The following PRIM2 variants were observed in gnomAD, a reference collection of about 807,000 sequenced individuals.
PRIM2 encodes DNA primase large subunit.
A neutral mutation model predicts 67.3 loss-of-function variants in PRIM2; 39 were observed. The observed-to-expected ratio is 0.58, with a 90% CI of 0.45 to 0.76. The LOEUF (loss-of-function observed/expected upper bound fraction) is 0.76. Ranked by LOEUF, PRIM2 falls within the 30% of genes least tolerant of loss-of-function variation. The pLI, the probability that PRIM2 is intolerant of heterozygous loss-of-function variation, is 0.00. For synonymous variants in PRIM2, 143 were observed against 198.7 expected (o/e 0.72, Z 2.36); for missense variants, 398 against 598.7 (o/e 0.66, Z 3.50).
At chr6:57,483,855 A>C (rs1403181946) in intron 7 of PRIM2, among the ~76,000 whole-genome samples, 1 of 152,232 alleles carries the variant, frequency 6.6e-6, no homozygotes, top group African/African-American at 2.4e-5. Context: ...TTTTCTTTGA[A>C]ATGTAAGGTT....
chr6:57,320,512 C>G lies in PRIM2; in HGVS notation c.210C>G (p.Tyr70Ter), dbSNP rs748143399. The G allele has an allele frequency of 1.2e-6, 2 of 1,609,568 alleles. No individual in the cohort carries two copies. ...GCTATGTGAAAGGAACTGAACAATA[C>G]CAGAGTAAGTTGGAGAGTGAGCTTC... ...GVSYVKGTEQ[Y>*]QSKLESELRK... Residue 70 changes from tyrosine (Y) to a stop codon, truncating the protein, a stop_gained, in exon 3 of 14, where the codon TAC (tyrosine) becomes TAG (stop). Coordinates refer to ENST00000615550, the MANE Select transcript of PRIM2 (RefSeq NM_000947.5). LOFTEE classifies it high-confidence loss of function.
At chr6:57,352,079 G>T (rs909810871) in intron 5 of PRIM2, among the ~76,000 whole-genome samples, 5 of 152,182 alleles carry the variant, frequency 3.3e-5, no homozygotes, top group African/African-American at 1.2e-4. Flanking sequence ...ATTGTTTATT[G>T]AAGGTTTAAA....
intron 12 of PRIM2, among the ~76,000 whole-genome samples, chr6:57,614,077 T>C (rs1776711594): frequency 6.6e-6 from 1 of 152,162 alleles, no homozygotes; most frequent in Admixed American, 6.5e-5. Context: ...CATGGCCTGT[T>C]AGGAACAGCA....
At chr6:57,341,034 A>T (rs899078085) in intron 5 of PRIM2, among the ~76,000 whole-genome samples, 4 of 152,170 alleles carry the variant, frequency 2.6e-5, no homozygotes, top group Non-Finnish European at 5.9e-5. Context: ...TAATCATTTG[A>T]GGTGCATTAT....
At chr6:57,393,727 A>C (rs113753328) in intron 7 of PRIM2, among the ~76,000 whole-genome samples, 5 of 151,934 alleles carry the variant, frequency 3.3e-5, no homozygotes, top group African/African-American at 1.2e-4. Context: ...TGGTCATGAA[A>C]TCCTTGCCTA....
At chr6:57,373,947 A>G (rs1158529471) in intron 5 of PRIM2, among the ~76,000 whole-genome samples, 2 of 152,132 alleles carry the variant, frequency 1.3e-5, no homozygotes, top group Non-Finnish European at 2.9e-5. Flanking sequence ...TTGGTTCCAT[A>G]TGAATTTTAA....
chr6:57,352,415 A>G (rs1768886875), intron 5 of PRIM2, among the ~76,000 whole-genome samples: 1 of 151,784 alleles, frequency 6.6e-6, no homozygotes, highest in Admixed American at 6.6e-5. Context: ...TAGCTTTTGT[A>G]TTTTTAGTAG....
At chr6:57,415,222 A>G (rs2127367127) in intron 7 of PRIM2, among the ~76,000 whole-genome samples, 1 of 152,312 alleles carries the variant, frequency 6.6e-6, no homozygotes, top group East Asian at 1.9e-4. Context: ...TAAAACAAAG[A>G]TAGATGTTTT....
At chr6:57,505,015 G>T (rs1466509582) in intron 7 of PRIM2, among the ~76,000 whole-genome samples, 1 of 152,214 alleles carries the variant, frequency 6.6e-6, no homozygotes, top group Non-Finnish European at 1.5e-5. Flanking sequence ...TCCAGTGGAT[G>T]TAAGTAGTAA....
chr6:57,513,682 C>G (rs1467172340), intron 8 of PRIM2, among the ~76,000 whole-genome samples: 25 of 152,042 alleles, frequency 1.6e-4, no homozygotes, highest in African/African-American at 5.8e-4. Context: ...TCACTTGAGG[C>G]CAGGAGTTCA....
At chr6:57,532,147 T>G (rs1223861445) in intron 8 of PRIM2, among the ~76,000 whole-genome samples, 3 of 152,318 alleles carry the variant, frequency 2.0e-5, no homozygotes, top group African/African-American at 4.8e-5. Flanking sequence ...ACAACTTGGA[T>G]TATGCTTCTA....
At chr6:57,240,735 CTTACA>C in the PRIM2 span, among the ~76,000 whole-genome samples, 1 of 152,066 alleles carries the variant, frequency 6.6e-6, no homozygotes, top group East Asian at 1.9e-4. Flanking sequence ...TGAGTAAAGA[CTTACA>C]TTTCTAGAAT....
intron 5 of PRIM2, among the ~76,000 whole-genome samples, chr6:57,330,950 A>T (rs1038566318): frequency 6.6e-6 from 1 of 151,968 alleles, no homozygotes; most frequent in African/African-American, 2.4e-5. Flanking sequence ...TGGGAGGCCG[A>T]GGTGGGCGGA....
At chr6:57,517,331 C>G in intron 8 of PRIM2, among the ~76,000 whole-genome samples, 1 of 152,002 alleles carries the variant, frequency 6.6e-6, no homozygotes, top group Non-Finnish European at 1.5e-5. Flanking sequence ...CTTAAAAGGC[C>G]TGAGAAAGCA....
At chr6:57,306,634 A>C in the PRIM2 span, among the ~76,000 whole-genome samples, 5 of 152,268 alleles carry the variant, frequency 3.3e-5, no homozygotes, top group African/African-American at 1.2e-4. Flanking sequence ...AAACTTCCCC[A>C]CTGAGCCATC....
chr6:57,500,572 C>CA (rs1325317629), intron 7 of PRIM2, among the ~76,000 whole-genome samples: 1 of 152,206 alleles, frequency 6.6e-6, no homozygotes, highest in African/African-American at 2.4e-5. Flanking sequence ...CTTATATAGA[C>CA]AAAACGTAGG....
intron 7 of PRIM2, among the ~76,000 whole-genome samples, chr6:57,437,620 ATC>A (rs1772053365): frequency 6.6e-6 from 1 of 150,420 alleles, no homozygotes; most frequent in African/African-American, 2.4e-5. Context: ...TTGAGAGATT[ATC>A]TGTACATTAA....
chr6:57,378,149 C>T (rs1305976851), intron 5 of PRIM2, among the ~76,000 whole-genome samples: 14 of 151,284 alleles, frequency 9.3e-5, no homozygotes, highest in Admixed American at 4.0e-4. Context: ...CAGCCTCTAA[C>T]TCCTGGGCTC....
chr6:57,609,097 G>T (rs1776618628), intron 12 of PRIM2, among the ~76,000 whole-genome samples: 13 of 152,304 alleles, frequency 8.5e-5, no homozygotes. Context: ...CTTGTTAGGT[G>T]CTTTAAAAAT....
Sources: allele counts gnomAD v4.1 joint callset (sites outside exome capture counted in the v4.1 genomes callset), GRCh38; gene constraint gnomAD v4.1.1; transcripts MANE v1.5; gene names NCBI Gene and HGNC (gene_info 2026-07-23, HGNC 2026-07-21).